Variants in CNBD1 observed in about 807,000 individuals in gnomAD.
CNBD1 encodes cyclic nucleotide binding domain containing 1.
In CNBD1, 71 loss-of-function variants were observed where a neutral mutation model predicts 54.4. The ratio of observed to expected loss-of-function variants is 1.30; its 90% CI spans 1.08 to 1.59. The LOEUF (loss-of-function observed/expected upper bound fraction) is 1.59, where lower values mean the gene tolerates loss of function less well. CNBD1 is among the 40% of genes most tolerant of loss of function. The probability of loss-of-function intolerance (pLI) is 0.00; values close to 1 mark genes in which losing one functional copy is unlikely to be tolerated. For missense variants in CNBD1, 659 were observed against 518.0 expected (o/e 1.27, Z -2.64); for synonymous variants, 182 against 170.7 (o/e 1.07, Z -0.51).
chr8:86,998,189 C>T (rs975875112), intron 4 of CNBD1, among the ~76,000 whole-genome samples: 1 of 151,366 alleles, frequency 6.6e-6, no homozygotes, highest in East Asian at 1.9e-4. Flanking sequence ...ACTACATAAC[C>T]TAGTTTTGTG....
intron 4 of CNBD1, among the ~76,000 whole-genome samples, chr8:87,084,577 T>C (rs940588337): frequency 5.9e-5 from 9 of 152,206 alleles, no homozygotes; most frequent in African/African-American, 2.2e-4. Context: ...TCCTGTATTG[T>C]ATGAAATGGG....
At chr8:87,419,692 A>G (rs79261339) in intron 2 of CNBD1, among the ~76,000 whole-genome samples, 6,619 of 151,944 alleles carry the variant, frequency 0.044, 186 homozygotes, top group Non-Finnish European at 0.06. Flanking sequence ...AGAGTATGTG[A>G]CAAAGTTTGT....
chr8:87,160,372 TATC>T (rs1261012897), intron 4 of CNBD1, among the ~76,000 whole-genome samples: 1 of 152,094 alleles, frequency 6.6e-6, no homozygotes. Context: ...TAGTCTATAA[TATC>T]ATTTTATCAT....
intron 4 of CNBD1, among the ~76,000 whole-genome samples, chr8:86,948,826 A>C (rs769748238): frequency 6.6e-6 from 1 of 152,118 alleles, no homozygotes; most frequent in Non-Finnish European, 1.5e-5. Context: ...TACTGAAGAA[A>C]ATTTTTGCCC....
chr8:87,046,042 TAAAAAAAAAAAA>T (rs58214390), intron 4 of CNBD1, among the ~76,000 whole-genome samples: 4 of 71,638 alleles, frequency 5.6e-5, no homozygotes, highest in South Asian at 6.4e-4. Flanking sequence ...CTTCCTCTCA[TAAAAAAAAAAAA>T]AAAAAAAAAA....
intron 2 of CNBD1, among the ~76,000 whole-genome samples, chr8:87,397,802 T>G (rs147418256): frequency 1.1e-3 from 173 of 152,098 alleles, no homozygotes; most frequent in African/African-American, 3.8e-3. Context: ...AGGGACATGG[T>G]GGTTGATGAC....
intron 8 of CNBD1, among the ~76,000 whole-genome samples, chr8:87,304,454 GGA>G (rs1213814234): frequency 6.6e-6 from 1 of 151,896 alleles, no homozygotes; most frequent in Non-Finnish European, 1.5e-5. Flanking sequence ...CATGGACACA[GGA>G]AGGGGAACAT....
chr8:87,244,390 A>G (rs1807760338), intron 6 of CNBD1, among the ~76,000 whole-genome samples: 1 of 152,108 alleles, frequency 6.6e-6, no homozygotes, highest in Non-Finnish European at 1.5e-5. Flanking sequence ...TAGCTTAGTA[A>G]TTCTGGAGCT....
intron 4 of CNBD1, among the ~76,000 whole-genome samples, chr8:87,058,825 C>A (rs924898186): frequency 7.9e-5 from 12 of 152,182 alleles, no homozygotes; most frequent in African/African-American, 2.4e-4. Flanking sequence ...CAAACATTTT[C>A]CCTATTGTTT....
At chr8:87,223,236 T>G (rs1406960797) in intron 5 of CNBD1, among the ~76,000 whole-genome samples, 1 of 150,416 alleles carries the variant, frequency 6.6e-6, no homozygotes, top group Non-Finnish European at 1.5e-5. Flanking sequence ...TAATTTTTAT[T>G]TATTTATTTA....
At chr8:87,110,751 A>T (rs1453697364) in intron 4 of CNBD1, among the ~76,000 whole-genome samples, 1 of 152,242 alleles carries the variant, frequency 6.6e-6, no homozygotes, top group African/African-American at 2.4e-5. Flanking sequence ...CTATCTTGTG[A>T]TAGAAGGTTA....
chr8:87,200,887 C>T (rs977117269), intron 4 of CNBD1, among the ~76,000 whole-genome samples: 4 of 152,120 alleles, frequency 2.6e-5, no homozygotes, highest in Non-Finnish European at 4.4e-5. Flanking sequence ...GGGAGAAACA[C>T]ATCCCAACTC....
At chr8:86,966,054 G>C (rs1808063427) in intron 4 of CNBD1, among the ~76,000 whole-genome samples, 1 of 152,182 alleles carries the variant, frequency 6.6e-6, no homozygotes. Context: ...GGACCTCAAA[G>C]GGGAGGAAGT....
chr8:87,248,650 G>C (rs1807853577), intron 6 of CNBD1, among the ~76,000 whole-genome samples: 1 of 152,198 alleles, frequency 6.6e-6, no homozygotes, highest in Non-Finnish European at 1.5e-5. Context: ...TGAATCACCT[G>C]TTGCAGTGAA....
intron 4 of CNBD1, among the ~76,000 whole-genome samples, chr8:87,104,430 C>T (rs1252318147): frequency 6.6e-6 from 1 of 152,198 alleles, no homozygotes; most frequent in Non-Finnish European, 1.5e-5. Flanking sequence ...TACTGAATTA[C>T]TTGCTTCCAG....
chr8:87,233,337 C>T (rs28650779), intron 5 of CNBD1, among the ~76,000 whole-genome samples: 1,817 of 152,182 alleles, frequency 0.012, 24 homozygotes, highest in Non-Finnish European at 0.015. Flanking sequence ...GGTTTAGTTT[C>T]AGAGCACTGC....
At chr8:87,306,079 A>G (rs532098257) in intron 8 of CNBD1, among the ~76,000 whole-genome samples, 20 of 152,170 alleles carry the variant, frequency 1.3e-4, no homozygotes, top group Non-Finnish European at 1.9e-4. Context: ...CATCCCATCA[A>G]AAAGTGGTCT....
intron 6 of CNBD1, among the ~76,000 whole-genome samples, chr8:87,274,099 C>T (rs1483402053): frequency 6.6e-6 from 1 of 152,026 alleles, no homozygotes; most frequent in Non-Finnish European, 1.5e-5. Context: ...AAGACATGAG[C>T]TCATCATTTT....
chr8:87,289,952 C>G (rs1808757881), intron 8 of CNBD1, among the ~76,000 whole-genome samples: 1 of 152,094 alleles, frequency 6.6e-6, no homozygotes, highest in African/African-American at 2.4e-5. Flanking sequence ...TCATCCTTCA[C>G]TGGTCTCTTT....
Sources: gnomAD v4.1 joint callset for allele counts (sites outside exome capture counted in the v4.1 genomes callset) on GRCh38, gnomAD v4.1.1 for gene constraint, MANE v1.5 for transcripts, NCBI Gene and HGNC (gene_info 2026-07-23, HGNC 2026-07-21) for gene names.